Variants in C3orf18 observed in about 807,000 individuals in gnomAD.
C3orf18 encodes uncharacterized protein C3orf18.
In C3orf18, 12 loss-of-function variants were observed where a neutral mutation model predicts 14.1. The ratio of observed to expected loss-of-function variants is 0.85; its 90% CI spans 0.55 to 1.38. The LOEUF is 1.38. C3orf18 is among the 40% of genes most tolerant of loss of function. The pLI is 0.00. For missense variants in C3orf18, 196 were observed against 213.9 expected, an observed-to-expected ratio of 0.92 and a Z score of 0.52; for synonymous variants, 82 against 87.9, an observed-to-expected ratio of 0.93 and a Z score of 0.38.
At position 50,558,768 on chromosome 3, in the gene C3orf18, C is replaced by T; in HGVS notation, c.*889G>A. On this transcript the variant is annotated 3_prime_UTR_variant, in exon 6 of 6. Coordinates refer to ENST00000357203, the MANE Select transcript of C3orf18 (RefSeq NM_016210.5). ...TGCGTGCTTCCCTCTTCCCTGCAGT[C>T]CCTGAAGATTGAAGGCAGAGAAGAT... is the stretch of plus-strand genomic sequence containing the variant. The T allele has an allele frequency of 7.8e-7, 1 of 1,289,850 alleles. No individual in the cohort carries two copies. Among genetic ancestry groups the T allele is most frequent in the Non-Finnish European group, 1.0e-6 (1 of 988,876 alleles). The allele number at this position is 1,289,850 out of a possible 1,614,324, so 79.9% of individuals were successfully genotyped here.
intron 4 of C3orf18, among the ~76,000 whole-genome samples, 165 bp from the exon 5 acceptor site, chr3:50,561,229 AG>A (rs988600014): frequency 1.2e-4 from 19 of 152,240 alleles, no homozygotes; most frequent in African/African-American, 4.3e-4. Flanking sequence ...TTGCACCTAT[AG>A]TACCAGCTCA....
upstream of C3orf18, chr3:50,571,400 G>A (rs1485309847): frequency 2.4e-6 from 3 of 1,241,006 alleles, no homozygotes; most frequent in Non-Finnish European, 3.4e-6. Context: ...GGATATCCAG[G>A]TTTTCTGTTC....
upstream of C3orf18, chr3:50,571,970 AG>A: frequency 1.1e-6 from 1 of 924,332 alleles, no homozygotes; most frequent in Non-Finnish European, 1.5e-6. Flanking sequence ...GAAGGGAGGG[AG>A]GGAGGGTTTT....
chr3:50,565,555 T>A lies in C3orf18; in HGVS notation c.145A>T (p.Ile49Phe), dbSNP rs755651758. 3 of 1,613,914 alleles carry A rather than the reference T, an allele frequency of 1.9e-6. No individual in the cohort carries two copies. The South Asian group carries it at 3.3e-5, about 18-fold the overall frequency. The change falls in exon 3 of 6, where the codon ATC (isoleucine) becomes TTC (phenylalanine). Residue 49 changes from isoleucine to phenylalanine, a missense_variant. Ile to Phe is a conservative substitution (Grantham distance 21). Coordinates refer to ENST00000357203, the MANE Select transcript of C3orf18 (RefSeq NM_016210.5). The surrounding 1 kb of genome is among the most constrained non-coding windows in gnomAD (Gnocchi z 4.4). ...GCCGTGCCACCAGCTGCATCAGGGA[T>A]TCTGGTGTCATTAAAGGTGGTGGCC... ...PEATTFNDTR[I>F]PDAAGGTAGV...
upstream of C3orf18, among the ~76,000 whole-genome samples, chr3:50,568,943 T>C (rs3804627): frequency 0.76 from 116,223 of 152,058 alleles, 45,616 homozygotes; most frequent in Middle Eastern, 0.88. Context: ...GCCCCTGGGG[T>C]CTGGCCGCCA....
chr3:50,558,815 A>C lies in C3orf18; in HGVS notation c.*842T>G, dbSNP rs1483043239. On this transcript the variant is annotated 3_prime_UTR_variant, in exon 6 of 6. Transcript: ENST00000357203. ...AGATAGCCTACCCTGATGCTCCACT[A>C]CATACCATGGGGTAGAGGTCGACTT... 2.3e-6 allele frequency: 3 copies of C among 1,289,830 alleles called. No homozygotes were observed. In the East Asian group the frequency reaches 1.7e-4, roughly 72 times the overall value. 79.9% of individuals were successfully genotyped at this position (1,289,830 alleles called of 1,614,324 possible).
chr3:50,559,549 G>A lies in C3orf18; in HGVS notation c.*108C>T. ...CTAGGACCTGGCTCAGCCCTCTTGT[G>A]TCTTGGCAGGGAAGATCTTCAGAGT... On this transcript the variant is annotated 3_prime_UTR_variant, in exon 6 of 6. Transcript: ENST00000357203. 4.2e-6 allele frequency: 6 copies of A among 1,443,232 alleles called. No individual in the cohort carries two copies. Among genetic ancestry groups the A allele is most frequent in the South Asian group, 1.5e-5 (1 of 66,194 alleles). The allele number at this position is 1,443,232 out of a possible 1,614,324, so 89.4% of individuals were successfully genotyped here.
chr3:50,562,778 C>T (rs1391330113), intron 3 of C3orf18, among the ~76,000 whole-genome samples: 1 of 152,142 alleles, frequency 6.6e-6, no homozygotes, highest in Non-Finnish European at 1.5e-5. Context: ...CTCCCAAAAA[C>T]TCTGATGCAA....
upstream of C3orf18, among the ~76,000 whole-genome samples, chr3:50,573,834 A>C (rs1256441783): frequency 6.6e-6 from 1 of 152,230 alleles, no homozygotes; most frequent in Non-Finnish European, 1.5e-5. Flanking sequence ...CATTTTCCCT[A>C]AGGGTGAGAA....
At chr3:50,564,830 C>A (rs1700189226) in intron 3 of C3orf18, among the ~76,000 whole-genome samples, 1 of 152,200 alleles carries the variant, frequency 6.6e-6, no homozygotes, top group South Asian at 2.1e-4. Context: ...CTATTGCAAC[C>A]CCACATCCAC....
Position 50,558,949 on chromosome 3 carries a change from T to C in C3orf18, c.*708A>G. 7.8e-7 allele frequency: 1 copy of C among 1,287,226 alleles called. No individual in the cohort carries two copies. The highest frequency in any genetic ancestry group is 1.2e-5 in the South Asian group (1 of 80,796). 79.7% of individuals were successfully genotyped at this position (1,287,226 alleles called of 1,614,324 possible). A position where few individuals can be genotyped will look rare whatever the true frequency, so the allele number is the denominator to read the frequency against. The stretch of plus-strand genomic sequence containing the variant: ...CATGCATGAGGCCTCTCGGCAGGTC[T>C]GGGGGGGCTGCATCCTTCCACTTCC... On this transcript the variant is annotated 3_prime_UTR_variant, in exon 6 of 6. Coordinates refer to ENST00000357203, the MANE Select transcript of C3orf18 (RefSeq NM_016210.5).
chr3:50,558,827 G>A lies in C3orf18; in HGVS notation c.*830C>T, dbSNP rs921250582. 7.8e-7 allele frequency: 1 copy of A among 1,289,866 alleles called. No individual in the cohort carries two copies. The highest frequency in any genetic ancestry group is 1.0e-6 in the Non-Finnish European group (1 of 988,882). 79.9% of individuals were successfully genotyped at this position (1,289,866 alleles called of 1,614,324 possible). ...CTGATGCTCCACTACATACCATGGG[G>A]TAGAGGTCGACTTGGAGGGTGGGGC... On this transcript the variant is annotated 3_prime_UTR_variant, in exon 6 of 6. Transcript: ENST00000357203.
rs1018725848 is a variant in C3orf18, at chr3:50,567,675, G to A, written c.-464C>T. ...GCTGGCTCTGCCGGCCTGAGCTAGG[G>A]TGGGTAGGGCCGGGACCCACGGCGG... is the stretch of plus-strand genomic sequence containing the variant. On this transcript the variant is annotated 5_prime_UTR_variant, in exon 1 of 6. Coordinates refer to ENST00000357203, the MANE Select transcript of C3orf18 (RefSeq NM_016210.5). 2 of 152,290 alleles carry A rather than the reference G, an allele frequency of 1.3e-5. No individual in the cohort carries two copies. Among genetic ancestry groups the A allele is most frequent in the Non-Finnish European group, 2.9e-5 (2 of 68,074 alleles). The allele number at this position is 152,290 out of a possible 1,614,324, so 9.4% of individuals were successfully genotyped here. A position where few individuals can be genotyped will look rare whatever the true frequency, so the allele number is the denominator to read the frequency against.
chr3:50,571,692 T>A (rs636168), upstream of C3orf18: 1 of 1,613,594 alleles, frequency 6.2e-7, no homozygotes, highest in Admixed American at 1.7e-5. Flanking sequence ...CAGCCACTTA[T>A]ATTCTCTGTG....
At chr3:50,571,184 G>C, upstream of C3orf18, 1 of 1,613,832 alleles carries the variant, frequency 6.2e-7, no homozygotes, top group South Asian at 1.1e-5. Flanking sequence ...TGGGCCTTCA[G>C]CTCATGGCAA....
upstream of C3orf18, chr3:50,572,104 C>A: frequency 6.2e-7 from 1 of 1,613,820 alleles, no homozygotes. Context: ...ACCCAGCTGC[C>A]CCCTCTGCAG....
upstream of C3orf18, among the ~76,000 whole-genome samples, chr3:50,572,587 C>T (rs1341826075): frequency 1.3e-5 from 2 of 152,232 alleles, no homozygotes; most frequent in Non-Finnish European, 2.9e-5. Flanking sequence ...GTGGAGAGGG[C>T]TCCAGCCGGA....
chr3:50,573,743 G>A (rs1701273523), upstream of C3orf18, among the ~76,000 whole-genome samples: 1 of 152,270 alleles, frequency 6.6e-6, no homozygotes, highest in African/African-American at 2.4e-5. Context: ...AGGGAGTAGT[G>A]AGAATGGGTG....
rs1700146528 is a variant in C3orf18, at chr3:50,564,086, T to C, written c.234+1380A>G. 2.0e-5 allele frequency among the ~76,000 whole-genome samples: 3 copies of C among 152,238 alleles called. No homozygotes were observed. The South Asian group carries it at 6.2e-4, about 31-fold the overall frequency. On this transcript the variant is annotated intron_variant, in intron 3 of 5. Transcript: ENST00000357203. ...CAATCTGGAGCCTGTGGGGCCCATA[T>C]GGCAACCCTGGTTTAACAGCAGCTC...
Sources: gnomAD v4.1 joint callset for allele counts (sites outside exome capture counted in the v4.1 genomes callset) on GRCh38, gnomAD v4.1.1 for gene constraint, Gnocchi (gnomAD v3.1) non-coding constraint, MANE v1.5 for transcripts, NCBI Gene and HGNC (gene_info 2026-07-23, HGNC 2026-07-21) for gene names.